The following CNTNAP2 variants were observed in gnomAD, a reference collection of about 807,000 sequenced individuals.
CNTNAP2 encodes contactin-associated protein-like 2.
In CNTNAP2, 98 loss-of-function variants were observed where a neutral mutation model predicts 155.2. That is an observed-to-expected ratio of 0.63 (90% CI 0.54 to 0.75). The LOEUF (loss-of-function observed/expected upper bound fraction) is 0.75, where lower values mean the gene tolerates loss of function less well. CNTNAP2 is among the 30% of genes least tolerant of loss of function. CNTNAP2 has a pLI of 0.00. For missense variants in CNTNAP2, 1,727 were observed against 1,688.1 expected (o/e 1.02, Z -0.40); for synonymous variants, 651 against 631.2 (o/e 1.03, Z -0.47).
intron 6 of CNTNAP2, 180 bp downstream of exon 6, chr7:147,121,343 T>A (rs759059968): frequency 1.6e-6 from 1 of 606,360 alleles, no homozygotes. Context: ...AAATTTATAA[T>A]CATGAGTACT....
intron 12 of CNTNAP2, among the ~76,000 whole-genome samples, chr7:147,636,845 G>A (rs1795188956): frequency 6.6e-6 from 1 of 152,160 alleles, no homozygotes; most frequent in African/African-American, 2.4e-5. Flanking sequence ...GAATGCTAGG[G>A]AGAAAATTAA....
chr7:146,552,648 C>T (rs948072379), intron 1 of CNTNAP2, among the ~76,000 whole-genome samples: 31 of 152,206 alleles, frequency 2.0e-4, no homozygotes, highest in African/African-American at 7.5e-4. Context: ...TTCCTTCTCT[C>T]TTAGAGTTAA....
At chr7:147,547,827 C>T (rs1275662797) in intron 11 of CNTNAP2, among the ~76,000 whole-genome samples, 1 of 152,060 alleles carries the variant, frequency 6.6e-6, no homozygotes. Context: ...TCTCAATATT[C>T]AACTCTCACT....
At chr7:146,157,188 T>C (rs1352846315) in intron 1 of CNTNAP2, among the ~76,000 whole-genome samples, 1 of 152,126 alleles carries the variant, frequency 6.6e-6, no homozygotes, top group Admixed American at 6.6e-5. Flanking sequence ...AACATCTAGA[T>C]CTTAGGTCTT....
intron 1 of CNTNAP2, among the ~76,000 whole-genome samples, chr7:146,607,426 C>T (rs1003482791): frequency 4.6e-5 from 7 of 152,054 alleles, no homozygotes; most frequent in African/African-American, 7.2e-5. Context: ...CCAAACTCAA[C>T]GAGCCTAAAA....
intron 11 of CNTNAP2, among the ~76,000 whole-genome samples, chr7:147,547,985 A>AG (rs1799775070): frequency 6.6e-6 from 1 of 151,936 alleles, no homozygotes; most frequent in Admixed American, 6.6e-5. Context: ...ATAGTGCCAC[A>AG]TTTTCTTTAT....
At chr7:146,261,714 GT>G (rs1799921897) in intron 1 of CNTNAP2, among the ~76,000 whole-genome samples, 1 of 152,034 alleles carries the variant, frequency 6.6e-6, no homozygotes, top group South Asian at 2.1e-4. Flanking sequence ...TAGCTGAACA[GT>G]TTTAGAAATT....
At chr7:147,232,670 TA>T (rs1367448476) in intron 8 of CNTNAP2, among the ~76,000 whole-genome samples, 1 of 152,230 alleles carries the variant, frequency 6.6e-6, no homozygotes, top group African/African-American at 2.4e-5. Context: ...TTATCCAATG[TA>T]AAAAATTAAC....
At chr7:146,812,650 C>A (rs1803089175) in intron 2 of CNTNAP2, among the ~76,000 whole-genome samples, 1 of 151,950 alleles carries the variant, frequency 6.6e-6, no homozygotes, top group East Asian at 1.9e-4. Context: ...AAAGAAAAAC[C>A]CGTTTTCCAG....
chr7:146,775,314 C>T (rs1802371254), intron 2 of CNTNAP2, among the ~76,000 whole-genome samples: 1 of 152,004 alleles, frequency 6.6e-6, no homozygotes, highest in Admixed American at 6.6e-5. Flanking sequence ...TTTTAAGTGG[C>T]CTCACCATTT....
chr7:146,568,919 T>C (rs141716500), intron 1 of CNTNAP2, among the ~76,000 whole-genome samples: 1 of 152,204 alleles, frequency 6.6e-6, no homozygotes, highest in East Asian at 1.9e-4. Context: ...TTAAATGAGA[T>C]TATCTATGGG....
intron 15 of CNTNAP2, among the ~76,000 whole-genome samples, chr7:148,010,661 GTTTT>G (rs34165242): frequency 2.0e-5 from 3 of 149,002 alleles, no homozygotes; most frequent in African/African-American, 7.4e-5. Flanking sequence ...ATACATCAAG[GTTTT>G]TTTTTTTTTA....
At chr7:147,458,144 AAG>A (rs1381488091) in intron 10 of CNTNAP2, among the ~76,000 whole-genome samples, 2 of 31,702 alleles carry the variant, frequency 6.3e-5, no homozygotes, top group Admixed American at 4.0e-4. Context: ...AAACAAACAT[AAG>A]CATTTCAGGT....
intron 1 of CNTNAP2, among the ~76,000 whole-genome samples, chr7:146,118,856 T>C (rs1043218921): frequency 1.5e-4 from 23 of 152,152 alleles, no homozygotes; most frequent in Admixed American, 5.9e-4. Flanking sequence ...TCTCTATTGT[T>C]TAAAAATGTG....
At chr7:146,676,485 G>A (rs972593735) in intron 1 of CNTNAP2, among the ~76,000 whole-genome samples, 15 of 151,428 alleles carry the variant, frequency 9.9e-5, no homozygotes, top group Non-Finnish European at 1.5e-4. Flanking sequence ...TTTAGATACC[G>A]GGAGTATATG....
intron 2 of CNTNAP2, among the ~76,000 whole-genome samples, chr7:146,829,501 A>G (rs1211296299): frequency 6.6e-6 from 1 of 152,170 alleles, no homozygotes; most frequent in Non-Finnish European, 1.5e-5. Context: ...AATGGAAAGA[A>G]CTTGTAGTAA....
chr7:147,247,991 A>C (rs558034267), intron 8 of CNTNAP2, among the ~76,000 whole-genome samples: 18 of 152,316 alleles, frequency 1.2e-4, no homozygotes, highest in African/African-American at 4.1e-4. Context: ...AAGAAAAGAA[A>C]ATACAGTTTC....
intron 10 of CNTNAP2, among the ~76,000 whole-genome samples, chr7:147,453,650 C>G (rs1330545161): frequency 6.6e-6 from 1 of 152,060 alleles, no homozygotes; most frequent in African/African-American, 2.4e-5. Context: ...GTAAGTGAGC[C>G]TGAAAATAAT....
At chr7:147,011,417 TC>T (rs1563043055) in intron 3 of CNTNAP2, among the ~76,000 whole-genome samples, 1 of 36,066 alleles carries the variant, frequency 2.8e-5, no homozygotes, top group Non-Finnish European at 4.4e-5. Flanking sequence ...ACACTCCATC[TC>T]AAAAAAAAAA....
Sources: gnomAD v4.1 joint callset for allele counts (sites outside exome capture counted in the v4.1 genomes callset) on GRCh38, gnomAD v4.1.1 for gene constraint, MANE v1.5 for transcripts, NCBI Gene and HGNC (gene_info 2026-07-23, HGNC 2026-07-21) for gene names.